MPHOSPH9: variants seen among roughly 807,000 people sequenced by gnomAD.
The protein encoded by MPHOSPH9 is M-phase phosphoprotein 9.
A neutral mutation model predicts 145.5 loss-of-function variants in MPHOSPH9; 88 were observed. That is an observed-to-expected ratio of 0.60 (90% CI 0.51 to 0.72). MPHOSPH9 has a LOEUF of 0.72. Ranked by LOEUF, MPHOSPH9 falls within the 30% of genes least tolerant of loss-of-function variation. The pLI is 0.00. For missense variants in MPHOSPH9, 1,238 were observed against 1,386.6 expected, an observed-to-expected ratio of 0.89 and a Z score of 1.70; for synonymous variants, 435 against 486.2, an observed-to-expected ratio of 0.89 and a Z score of 1.39.
intron 5 of MPHOSPH9, among the ~76,000 whole-genome samples, chr12:123,218,893 T>TTTTG (rs147246031): frequency 6.0e-4 from 91 of 150,624 alleles, no homozygotes; most frequent in African/African-American, 2.2e-3. Context: ...TGTGTGTGGT[T>TTTTG]TTTGTTTGTT....
intron 7 of MPHOSPH9, 80 bp from the exon 8 acceptor site, chr12:123,210,242 G>T: frequency 1.3e-6 from 1 of 747,036 alleles, no homozygotes. Context: ...TCTACCTAAA[G>T]GAAATTAAAT....
At chr12:123,173,501 A>C (rs570908199) in intron 16 of MPHOSPH9, among the ~76,000 whole-genome samples, 4 of 152,022 alleles carry the variant, frequency 2.6e-5, no homozygotes, top group Non-Finnish European at 4.4e-5. Context: ...CCTCTGGGGG[A>C]AGGAATGCTG....
chr12:123,198,751 A>C (rs1259473838), intron 11 of MPHOSPH9, among the ~76,000 whole-genome samples: 2 of 141,822 alleles, frequency 1.4e-5, no homozygotes, highest in African/African-American at 5.2e-5. Flanking sequence ...CTGAGGTTGC[A>C]GCGGGCTGAG....
intron 13 of MPHOSPH9, among the ~76,000 whole-genome samples, chr12:123,181,656 A>G (rs1221636517): frequency 6.6e-6 from 1 of 152,098 alleles, no homozygotes; most frequent in African/African-American, 2.4e-5. Flanking sequence ...CTGAAAGCTC[A>G]AGAGTTCAAG....
At chr12:123,203,966 C>A (rs1286171061) in intron 8 of MPHOSPH9, among the ~76,000 whole-genome samples, 2 of 152,106 alleles carry the variant, frequency 1.3e-5, no homozygotes, top group Non-Finnish European at 2.9e-5. Flanking sequence ...GGATTACAGG[C>A]ATGAGCCACC....
intron 13 of MPHOSPH9, among the ~76,000 whole-genome samples, chr12:123,191,029 A>G (rs1055593535): frequency 6.6e-6 from 1 of 152,162 alleles, no homozygotes; most frequent in African/African-American, 2.4e-5. Flanking sequence ...ATTAGAAACA[A>G]TAACATCCCA....
At chr12:123,190,806 A>G (rs1226548439) in intron 13 of MPHOSPH9, among the ~76,000 whole-genome samples, 1 of 152,226 alleles carries the variant, frequency 6.6e-6, no homozygotes, top group Non-Finnish European at 1.5e-5. Flanking sequence ...GAGGAATAGA[A>G]GACAGTGTTT....
rs568628264 is a variant in MPHOSPH9 at position 123,182,168 on chromosome 12, T to C, written c.2242-958A>G. Among the ~76,000 whole-genome samples the C allele has an allele frequency of 1.1e-4, 16 of 151,384 alleles. 1 individual carries two copies. The East Asian group carries it at 2.9e-3, about 28-fold the overall frequency. ...GTTGGCCAGGATGGTCTTGATCTCT[T>C]GACCTCATGATCCGCCCGCCTCAGC... is the stretch of plus-strand genomic sequence containing the variant. On this transcript the variant is annotated intron_variant, in intron 13 of 23. Transcript: ENST00000606320.
chr12:123,158,136 C>T (rs565124130), intron 23 of MPHOSPH9, among the ~76,000 whole-genome samples: 2 of 152,016 alleles, frequency 1.3e-5, no homozygotes, highest in Non-Finnish European at 2.9e-5. Flanking sequence ...ATTACAGGTG[C>T]CCACCACCAT....
intron 10 of MPHOSPH9, 133 bp downstream of exon 10, chr12:123,202,489 AGT>A: frequency 1.7e-6 from 2 of 1,202,166 alleles, no homozygotes; most frequent in South Asian, 3.2e-5. Context: ...CAAGTGAAAA[AGT>A]TTTTATATGC....
intron 2 of MPHOSPH9, 49 bp from the exon 3 acceptor site, chr12:123,227,665 G>A (rs2047482553): frequency 7.0e-7 from 1 of 1,425,068 alleles, no homozygotes; most frequent in African/African-American, 1.4e-5. Flanking sequence ...CTATCAAAGT[G>A]TTGAATAATT....
chr12:123,198,178 C>G, intron 12 of MPHOSPH9, 69 bp downstream of exon 12: 1 of 1,163,978 alleles, frequency 8.6e-7, no homozygotes, highest in Non-Finnish European at 1.3e-6. Flanking sequence ...AGACAAGAAA[C>G]ATAACTGATG....
chr12:123,241,968 T>G (rs191869733), intron 1 of MPHOSPH9, among the ~76,000 whole-genome samples: 1 of 152,336 alleles, frequency 6.6e-6, no homozygotes, highest in East Asian at 1.9e-4. Context: ...GAACCACTGC[T>G]CTATAGTATG....
In MPHOSPH9 at chr12:123,181,220, A is replaced by G. The variant is rs2045123504; in HGVS notation, c.2242-10T>C. 4 of 1,608,106 alleles carry G rather than the reference A, an allele frequency of 2.5e-6. No individual in the cohort carries two copies. Among genetic ancestry groups the G allele is most frequent in the Non-Finnish European group, 3.4e-6 (4 of 1,176,094 alleles). On this transcript the variant is annotated splice_polypyrimidine_tract_variant and intron_variant, in intron 13 of 23. Coordinates refer to ENST00000606320, the MANE Select transcript of MPHOSPH9 (RefSeq NM_022782.4). ...CATACTCTCCTAAAAGCTACAAGGAAAAACAAAAAAAAATTATACCACAAA... is the reference window on the plus strand; with the variant it reads ...CATACTCTCCTAAAAGCTACAAGGAGAAACAAAAAAAAATTATACCACAAA...
At chr12:123,205,799 G>T (rs149927289) in intron 8 of MPHOSPH9, among the ~76,000 whole-genome samples, 2 of 152,144 alleles carry the variant, frequency 1.3e-5, no homozygotes, top group East Asian at 1.9e-4. Context: ...GATGCCTCTT[G>T]TAATTAATGG....
downstream of MPHOSPH9, chr12:123,152,531 A>C: frequency 2.2e-6 from 1 of 455,364 alleles, no homozygotes; most frequent in South Asian, 1.6e-5. Flanking sequence ...TAGATGTAAA[A>C]ATTATCCTTG....
At chr12:123,223,009 A>G in intron 4 of MPHOSPH9, 29 bp downstream of exon 4, 1 of 1,367,716 alleles carries the variant, frequency 7.3e-7, no homozygotes, top group Non-Finnish European at 1.0e-6. Flanking sequence ...TGTATATAAA[A>G]AAAGGAATCA....
chr12:123,225,752 A>G (rs561467145), intron 3 of MPHOSPH9, among the ~76,000 whole-genome samples: 40 of 152,212 alleles, frequency 2.6e-4, no homozygotes, highest in African/African-American at 9.4e-4. Context: ...AAAGCTAATA[A>G]GGGCTAGCCA....
intron 6 of MPHOSPH9, 79 bp from the exon 7 acceptor site, chr12:123,214,913 C>T (rs2046894224): frequency 8.3e-7 from 1 of 1,203,402 alleles, no homozygotes; most frequent in Non-Finnish European, 1.2e-6. Context: ...AGAGCCAGGC[C>T]TCAAACCAGG....
Sources: gnomAD v4.1 joint callset for allele counts (sites outside exome capture counted in the v4.1 genomes callset) on GRCh38, gnomAD v4.1.1 for gene constraint, MANE v1.5 for transcripts, NCBI Gene and HGNC (gene_info 2026-07-23, HGNC 2026-07-21) for gene names.